PRR7: variants seen among roughly 807,000 people sequenced by gnomAD.
PRR7 encodes the protein proline rich 7, synaptic.
A neutral mutation model predicts 18.5 loss-of-function variants in PRR7; 8 were observed. That is an observed-to-expected ratio of 0.43 (90% CI 0.25 to 0.78). The LOEUF (loss-of-function observed/expected upper bound fraction) is 0.78. Ranked by LOEUF, PRR7 falls within the 30% of genes least tolerant of loss-of-function variation. The probability of loss-of-function intolerance (pLI) is 0.22; values close to 1 mark genes in which losing one functional copy is unlikely to be tolerated. For missense variants in PRR7, 396 were observed against 403.1 expected, an observed-to-expected ratio of 0.98 and a Z score of 0.15; for synonymous variants, 221 against 187.7, an observed-to-expected ratio of 1.18 and a Z score of -1.45.
rs1756322383 is a variant in PRR7 at position 177,454,761 on chromosome 5, CG to C, written c.-239-65del. 5.7e-6 allele frequency: 1 copy of C among 176,210 alleles called. No homozygotes were observed. The highest frequency in any genetic ancestry group is 2.4e-5 in the African/African-American group (1 of 42,296). The allele number at this position is 176,210 out of a possible 1,614,324, so 10.9% of individuals were successfully genotyped here. A position where few individuals can be genotyped will look rare whatever the true frequency, so the allele number is the denominator to read the frequency against. ...GGCTTTCCCCGGACTGCGCAGGGCGCGGGCGGGGGCCGGGAAGTCGTTGGGG... is the reference window on the plus strand; with the variant it reads ...GGCTTTCCCCGGACTGCGCAGGGCGCGGCGGGGGCCGGGAAGTCGTTGGGG... On this transcript the variant is annotated intron_variant, in intron 2 of 3. Coordinates refer to ENST00000323249, the MANE Select transcript of PRR7 (RefSeq NM_030567.5). The surrounding 1 kb of genome is among the most constrained non-coding windows in gnomAD (Gnocchi z 4.7).
chr5:177,455,852 A>T lies in PRR7; in HGVS notation c.556A>T (p.Ser186Cys). 1 of 1,611,990 alleles carries T rather than the reference A, an allele frequency of 6.2e-7. No homozygotes were observed. Among genetic ancestry groups the T allele is most frequent in the Non-Finnish European group, 8.5e-7 (1 of 1,179,718 alleles). Residue 186 changes from serine (S) to cysteine (C), a missense_variant, in exon 4 of 4, where the codon AGT becomes TGT. Coordinates refer to ENST00000323249, the MANE Select transcript of PRR7 (RefSeq NM_030567.5). The surrounding 1 kb of genome is among the most constrained non-coding windows in gnomAD (Gnocchi z 6.9). ...LYRKIVTPFLSRRDSAEKQEQ... is the reference protein window; with the variant it reads ...LYRKIVTPFLCRRDSAEKQEQ... ...CCGCAAGATCGTCACGCCCTTCCTG[A>T]GTCGCCGCGACAGCGCGGAGAAGCA... is the stretch of plus-strand genomic sequence containing the variant.
rs1172626438 is a variant in PRR7 at position 177,455,346 on chromosome 5, T to G, written c.279T>G (p.His93Gln). Residue 93 changes from histidine to glutamine, a missense_variant, in exon 3 of 4, where the codon CAT becomes CAG. By Grantham distance (24) the His-to-Gln change is conservative. Transcript: ENST00000323249. The surrounding 1 kb of genome is among the most constrained non-coding windows in gnomAD (Gnocchi z 6.9). ...AGGCGCCGGCTCACGCGCACTCGCATCCGCACGTGCACGTGCACCCGCTGC... is the reference window on the plus strand; with the variant it reads ...AGGCGCCGGCTCACGCGCACTCGCAGCCGCACGTGCACGTGCACCCGCTGC... ...RLEAPAHAHS[H>Q]PHVHVHPLLH... is the part of the protein sequence containing the mutation. 1.3e-6 allele frequency: 2 copies of G among 1,491,498 alleles called. No homozygotes were observed. The allele number at this position is 1,491,498 out of a possible 1,614,324, so 92.4% of individuals were successfully genotyped here. A position where few individuals can be genotyped will look rare whatever the true frequency, so the allele number is the denominator to read the frequency against.
rs2127388441 is a variant in PRR7 at position 177,454,357 on chromosome 5, C to G, written c.-240+317C>G. ...GCGGTGCGGAGCCAGTTGTTCCGGG[C>G]TTTGGGCAGCCAGGGGCTGCCAGGC... On this transcript the variant is annotated intron_variant, in intron 2 of 3. Coordinates refer to ENST00000323249, the MANE Select transcript of PRR7 (RefSeq NM_030567.5). The surrounding 1 kb of genome is among the most constrained non-coding windows in gnomAD (Gnocchi z 4.7). Among the ~76,000 whole-genome samples the G allele has an allele frequency of 6.6e-6, 1 of 152,244 alleles. No homozygotes were observed. The highest frequency in any genetic ancestry group is 2.4e-5 in the African/African-American group (1 of 41,558).
chr5:177,455,665 C>T lies in PRR7; in HGVS notation c.428-59C>T, dbSNP rs1466905830. Reference sequence around the variant, plus strand: ...GGCGCGGGCGGCCCCTGGCCGGGGCCTCTGCGAGAGGCTGGGAACCGGCGG... The same window carrying T: ...GGCGCGGGCGGCCCCTGGCCGGGGCTTCTGCGAGAGGCTGGGAACCGGCGG... On this transcript the variant is annotated intron_variant, in intron 3 of 3. Transcript: ENST00000323249. The surrounding 1 kb of genome is among the most constrained non-coding windows in gnomAD (Gnocchi z 6.9). The T allele has an allele frequency of 2.7e-6, 4 of 1,467,714 alleles. No individual in the cohort carries two copies. Among genetic ancestry groups the T allele is most frequent in the Non-Finnish European group, 3.6e-6 (4 of 1,106,392 alleles). The allele number at this position is 1,467,714 out of a possible 1,614,324, so 90.9% of individuals were successfully genotyped here.
chr5:177,453,688 C>T (rs1001927966), intron 1 of PRR7, among the ~76,000 whole-genome samples: 4 of 152,100 alleles, frequency 2.6e-5, no homozygotes, highest in African/African-American at 9.7e-5. Flanking sequence ...GCCCAGGCAG[C>T]GCTACCCCCC....
chr5:177,451,345 C>T (rs555518840), intron 1 of PRR7, among the ~76,000 whole-genome samples: 1 of 151,530 alleles, frequency 6.6e-6, no homozygotes, highest in East Asian at 2.0e-4. Context: ...AGTGTGGAGC[C>T]CACCCTCAGG....
upstream of PRR7, chr5:177,446,126 A>C (rs1030892350): frequency 2.0e-5 from 3 of 152,094 alleles, no homozygotes; most frequent in Admixed American, 2.0e-4. This position sits in a 1 kb window ranked among gnomAD's most constrained non-coding sequence, Gnocchi z 5.3. Flanking sequence ...GTTGGACGAA[A>C]AACAGCCCAG....
At chr5:177,448,588 C>T (rs1417062922) in intron 1 of PRR7, among the ~76,000 whole-genome samples, 1 of 152,240 alleles carries the variant, frequency 6.6e-6, no homozygotes. Context: ...AGGAGAAGAA[C>T]TGTAGAGCCT....
chr5:177,449,653 C>G lies in PRR7; in HGVS notation c.-325+2693C>G, dbSNP rs1360386123. ...GAGGAGGAACCTGGTCTCTGAAAAC[C>G]CTGCCCTGAGGAGGGCCGGAGCTGA... is the stretch of plus-strand genomic sequence containing the variant. On this transcript the variant is annotated intron_variant, in intron 1 of 3. Coordinates refer to ENST00000323249, the MANE Select transcript of PRR7 (RefSeq NM_030567.5). The surrounding 1 kb of genome is among the most constrained non-coding windows in gnomAD (Gnocchi z 4.2). Among the ~76,000 whole-genome samples, 1 of 152,132 alleles carries G rather than the reference C, an allele frequency of 6.6e-6. No homozygotes were observed. Among genetic ancestry groups the G allele is most frequent in the African/African-American group, 2.4e-5 (1 of 41,416 alleles).
rs337424 is a variant in PRR7, at chr5:177,455,648, C to G, written c.428-76C>G. On this transcript the variant is annotated intron_variant, in intron 3 of 3. Coordinates refer to ENST00000323249, the MANE Select transcript of PRR7 (RefSeq NM_030567.5). The surrounding 1 kb of genome is among the most constrained non-coding windows in gnomAD (Gnocchi z 6.9). ...GTTCGGGCTAGGGCTGGGGCGCGGGCGGCCCCTGGCCGGGGCCTCTGCGAG... is the reference window on the plus strand; with the variant it reads ...GTTCGGGCTAGGGCTGGGGCGCGGGGGGCCCCTGGCCGGGGCCTCTGCGAG... The G allele has an allele frequency of 1.3e-5, 18 of 1,421,236 alleles. No homozygotes were observed. In the East Asian group the frequency reaches 4.7e-4, roughly 37 times the overall value. 88.0% of individuals were successfully genotyped at this position (1,421,236 alleles called of 1,614,324 possible).
Position 177,455,201 on chromosome 5 carries a change from G to A in PRR7, c.134G>A (p.Arg45Gln). The A allele has an allele frequency of 6.4e-7, 1 of 1,570,930 alleles. No homozygotes were observed. Among genetic ancestry groups the A allele is most frequent in the Non-Finnish European group, 8.6e-7 (1 of 1,165,234 alleles). Residue 45 changes from arginine to glutamine, a missense_variant, in exon 3 of 4, where the codon CGA becomes CAA. By Grantham distance (43) the Arg-to-Gln change is conservative (BLOSUM62 1). This residue lies in a region of PRR7 where 383 missense variants were observed against 372.6 expected (regional missense o/e 1.03). Coordinates refer to ENST00000323249, the MANE Select transcript of PRR7 (RefSeq NM_030567.5). This position sits in a 1 kb window ranked among gnomAD's most constrained non-coding sequence, Gnocchi z 6.9. ...RRRLKRRQEE[R>Q]LREQNLRALE... ...CGCCTCAAACGGCGCCAGGAGGAGC[G>A]ACTGCGCGAGCAGAACCTGCGCGCC...
In PRR7 at chr5:177,454,983, T is replaced by G; in HGVS notation, c.-85T>G. 2.9e-5 allele frequency: 39 copies of G among 1,362,478 alleles called. No individual in the cohort carries two copies. The highest frequency in any genetic ancestry group is 3.3e-5 in the Non-Finnish European group (35 of 1,058,198). 84.4% of individuals were successfully genotyped at this position (1,362,478 alleles called of 1,614,324 possible). ...GTCCCCGAGTGACGCTGGCGGCACC[T>G]GAGAGTGTGGCGCGGGCCCGGGGCC... On this transcript the variant is annotated 5_prime_UTR_variant, in exon 3 of 4. Transcript: ENST00000323249. The surrounding 1 kb of genome is among the most constrained non-coding windows in gnomAD (Gnocchi z 4.7).
chr5:177,455,364 C>A lies in PRR7; in HGVS notation c.297C>A (p.His99Gln). 1 of 1,495,674 alleles carries A rather than the reference C, an allele frequency of 6.7e-7. No homozygotes were observed. Among genetic ancestry groups the A allele is most frequent in the Non-Finnish European group, 8.9e-7 (1 of 1,129,472 alleles). 92.7% of individuals were successfully genotyped at this position (1,495,674 alleles called of 1,614,324 possible). A position where few individuals can be genotyped will look rare whatever the true frequency, so the allele number is the denominator to read the frequency against. ...ACTCGCATCCGCACGTGCACGTGCA[C>A]CCGCTGCTGCACCACGGGCCCGCGC... is the stretch of plus-strand genomic sequence containing the variant. ...HAHSHPHVHV[H>Q]PLLHHGPAQP... The change falls in exon 3 of 4, where the codon CAC becomes CAA. Residue 99 changes from histidine (H) to glutamine (Q), a missense_variant. By Grantham distance (24) the His-to-Gln change is conservative. Transcript: ENST00000323249. This position sits in a 1 kb window ranked among gnomAD's most constrained non-coding sequence, Gnocchi z 6.9.
chr5:177,456,210 CGGGG>C lies in PRR7; in HGVS notation c.*92_*95del. On this transcript the variant is annotated 3_prime_UTR_variant, in exon 4 of 4. Coordinates refer to ENST00000323249, the MANE Select transcript of PRR7 (RefSeq NM_030567.5). ...TGCTTCCCTGGACTGCGGGGAGGGG[CGGGG>C]GGAGGGAGGGATTTCTTATCCCGTT... 3 of 1,156,462 alleles carry C rather than the reference CGGGG, an allele frequency of 2.6e-6. No individual in the cohort carries two copies. Among genetic ancestry groups the C allele is most frequent in the Non-Finnish European group, 3.3e-6 (3 of 897,920 alleles). The allele number at this position is 1,156,462 out of a possible 1,614,324, so 71.6% of individuals were successfully genotyped here.
In PRR7 at chr5:177,454,899, C is replaced by A; in HGVS notation, c.-169C>A. Reference sequence around the variant, plus strand: ...CCATGGGAAGGAGCGGGCGCCGCTGCTGTCCCCCGCCGGCGCGCGCACGAC... The same window carrying A: ...CCATGGGAAGGAGCGGGCGCCGCTGATGTCCCCCGCCGGCGCGCGCACGAC... On this transcript the variant is annotated 5_prime_UTR_variant, in exon 3 of 4. The change creates a new upstream start codon in the 5' untranslated region. Transcript: ENST00000323249. This position sits in a 1 kb window ranked among gnomAD's most constrained non-coding sequence, Gnocchi z 4.7. 1.1e-6 allele frequency: 1 copy of A among 933,634 alleles called. No homozygotes were observed. The highest frequency in any genetic ancestry group is 1.4e-6 in the Non-Finnish European group (1 of 720,864). The allele number at this position is 933,634 out of a possible 1,614,324, so 57.8% of individuals were successfully genotyped here. A position where few individuals can be genotyped will look rare whatever the true frequency, so the allele number is the denominator to read the frequency against.
Position 177,453,971 on chromosome 5 carries a change from C to T in PRR7, c.-309C>T, listed in dbSNP as rs1231591704. 6.6e-6 allele frequency: 1 copy of T among 152,324 alleles called. No individual in the cohort carries two copies. Among genetic ancestry groups the T allele is most frequent in the African/African-American group, 2.4e-5 (1 of 41,474 alleles). The allele number at this position is 152,324 out of a possible 1,614,324, so 9.4% of individuals were successfully genotyped here. A position where few individuals can be genotyped will look rare whatever the true frequency, so the allele number is the denominator to read the frequency against. Reference sequence around the variant, plus strand: ...TCCCTCTTAGGGTGCAAGGTTCCCCCTCTCACCCGCAGCTGTGGAGAGGAG... The same window carrying T: ...TCCCTCTTAGGGTGCAAGGTTCCCCTTCTCACCCGCAGCTGTGGAGAGGAG... On this transcript the variant is annotated 5_prime_UTR_variant, in exon 2 of 4. Coordinates refer to ENST00000323249, the MANE Select transcript of PRR7 (RefSeq NM_030567.5).
At position 177,455,911 on chromosome 5, in the gene PRR7, C is replaced by T. The variant is rs776075226; in HGVS notation, c.615C>T (p.Phe205=). 6.2e-7 allele frequency: 1 copy of T among 1,609,154 alleles called. No homozygotes were observed. The highest frequency in any genetic ancestry group is 1.1e-5 in the South Asian group (1 of 90,934). Residue 205 remains phenylalanine (F), a synonymous_variant, in exon 4 of 4, where the codon TTC becomes TTT. Transcript: ENST00000323249. The surrounding 1 kb of genome is among the most constrained non-coding windows in gnomAD (Gnocchi z 6.9). The part of the protein sequence containing the change: ...EQPPPSYKPL[F]LDRGYTSALH... ...CGCCTCCCAGCTACAAGCCGCTCTT[C>T]CTGGACCGGGGCTACACCTCGGCGC...
At chr5:177,447,493 C>T (rs1755951638) in intron 1 of PRR7, among the ~76,000 whole-genome samples, 1 of 152,170 alleles carries the variant, frequency 6.6e-6, no homozygotes, top group Non-Finnish European at 1.5e-5. Flanking sequence ...AGCCCCTGGG[C>T]TTGTCACGGG....
chr5:177,452,172 G>A (rs1346306283), intron 1 of PRR7, among the ~76,000 whole-genome samples: 1 of 152,196 alleles, frequency 6.6e-6, no homozygotes, highest in Non-Finnish European at 1.5e-5. Context: ...CAGAACGTGA[G>A]TAATCAAATG....
Sources: gnomAD v4.1 joint callset for allele counts (sites outside exome capture counted in the v4.1 genomes callset) on GRCh38, gnomAD v4.1.1 for gene constraint, gnomAD v4.1.1 regional missense constraint, Gnocchi (gnomAD v3.1) non-coding constraint, MANE v1.5 for transcripts, NCBI Gene and HGNC (gene_info 2026-07-23, HGNC 2026-07-21) for gene names.